SEMA6D: variants seen among roughly 807,000 people sequenced by gnomAD.
SEMA6D encodes semaphorin-6D.
Under a neutral mutation model 106.6 loss-of-function variants are expected in SEMA6D, and 35 were observed. The observed-to-expected ratio is 0.33, with a 90% confidence interval of 0.25 to 0.44. The LOEUF (loss-of-function observed/expected upper bound fraction) is 0.44. Ranked by LOEUF, SEMA6D falls within the 20% of genes least tolerant of loss-of-function variation. The probability of loss-of-function intolerance (pLI) is 1.00; values close to 1 mark genes in which losing one functional copy is unlikely to be tolerated. For missense variants in SEMA6D, 1,185 were observed against 1,345.9 expected (o/e 0.88, Z 1.87); for synonymous variants, 499 against 487.7 (o/e 1.02, Z -0.31).
chr15:47,474,205 A>T (rs955661912), intron 3 of SEMA6D, among the ~76,000 whole-genome samples: 2 of 152,188 alleles, frequency 1.3e-5, no homozygotes, highest in Non-Finnish European at 2.9e-5. Flanking sequence ...TGAGTTGAGA[A>T]GAAGCTGAGG....
intron 1 of SEMA6D, among the ~76,000 whole-genome samples, chr15:47,336,842 G>A (rs542975253): frequency 1.3e-5 from 2 of 152,268 alleles, no homozygotes; most frequent in South Asian, 4.1e-4. Context: ...TTTACTGACA[G>A]CAGTTTCAAA....
At chr15:47,520,464 C>T (rs1036286602) in intron 3 of SEMA6D, among the ~76,000 whole-genome samples, 8 of 152,146 alleles carry the variant, frequency 5.3e-5, no homozygotes, top group African/African-American at 1.4e-4. Flanking sequence ...GATGCTTTAA[C>T]GCCTTTTTAC....
intron 4 of SEMA6D, among the ~76,000 whole-genome samples, chr15:47,648,747 T>C (rs188799642): frequency 6.6e-6 from 1 of 152,334 alleles, no homozygotes; most frequent in East Asian, 1.9e-4. Flanking sequence ...CATTCTTAAA[T>C]GTGTGTATAG....
At chr15:47,406,872 C>T (rs563045351) in intron 1 of SEMA6D, among the ~76,000 whole-genome samples, 1 of 151,730 alleles carries the variant, frequency 6.6e-6, no homozygotes, top group Non-Finnish European at 1.5e-5. Flanking sequence ...AATGTATGTC[C>T]ATGCCAAAAC....
At chr15:47,335,955 C>T (rs1359075546) in intron 1 of SEMA6D, among the ~76,000 whole-genome samples, 1 of 152,130 alleles carries the variant, frequency 6.6e-6, no homozygotes, top group African/African-American at 2.4e-5. Context: ...CATATTCCCT[C>T]CAGTATGGAG....
At chr15:47,712,607 T>C (rs997751422), upstream of SEMA6D, among the ~76,000 whole-genome samples, 7 of 152,142 alleles carry the variant, frequency 4.6e-5, no homozygotes, top group African/African-American at 1.7e-4. Flanking sequence ...TAATATTAGG[T>C]GGGGAGGTTT....
chr15:47,367,373 A>G (rs192840163), intron 1 of SEMA6D, among the ~76,000 whole-genome samples: 1 of 152,294 alleles, frequency 6.6e-6, no homozygotes, highest in East Asian at 1.9e-4. Context: ...CCCTCAGGTC[A>G]TTTAGAGACC....
chr15:47,505,689 A>G (rs2044016342), intron 3 of SEMA6D, among the ~76,000 whole-genome samples: 1 of 152,192 alleles, frequency 6.6e-6, no homozygotes, highest in South Asian at 2.1e-4. Context: ...TACATATACC[A>G]CATGTGTACA....
At chr15:47,684,721 C>A (rs1278475566) in intron 4 of SEMA6D, among the ~76,000 whole-genome samples, 1 of 152,184 alleles carries the variant, frequency 6.6e-6, no homozygotes, top group East Asian at 1.9e-4. Flanking sequence ...ATTGTAAGAA[C>A]TTTTAAAATG....
chr15:47,232,574 C>G lies in SEMA6D; in HGVS notation c.-239+48156C>G, dbSNP rs867361699. 2.7e-5 allele frequency among the ~76,000 whole-genome samples: 4 copies of G among 149,962 alleles called. No homozygotes were observed. The South Asian group carries it at 8.4e-4, about 31-fold the overall frequency. ...GTGTGTGTATTTTATTACAGCCAAG[C>G]TAGTGGGTATAAAATGGTATTTCAT... On this transcript the variant is annotated intron_variant, in intron 1 of 19. Transcript: ENST00000558014.
At chr15:47,477,004 G>A (rs190509806) in intron 3 of SEMA6D, among the ~76,000 whole-genome samples, 12 of 152,300 alleles carry the variant, frequency 7.9e-5, no homozygotes, top group African/African-American at 2.9e-4. Flanking sequence ...CAATGTTGAT[G>A]AATCAGAAAA....
intron 1 of SEMA6D, among the ~76,000 whole-genome samples, chr15:47,194,892 C>T (rs989810999): frequency 2.0e-5 from 3 of 152,058 alleles, no homozygotes; most frequent in African/African-American, 7.2e-5. Flanking sequence ...GAATGATGTT[C>T]TCTTTGTCTT....
chr15:47,701,219 A>T (rs1404783453), intron 4 of SEMA6D, among the ~76,000 whole-genome samples: 1 of 152,356 alleles, frequency 6.6e-6, no homozygotes, highest in East Asian at 1.9e-4. Context: ...GTTGTCCAAA[A>T]TATATAAAGA....
At chr15:47,600,419 G>A (rs1409392918) in intron 3 of SEMA6D, among the ~76,000 whole-genome samples, 1 of 152,092 alleles carries the variant, frequency 6.6e-6, no homozygotes, top group South Asian at 2.1e-4. Context: ...AATGAGATAT[G>A]ATGTTGCATT....
chr15:47,697,022 C>T (rs1440663685), intron 4 of SEMA6D, among the ~76,000 whole-genome samples: 2 of 152,122 alleles, frequency 1.3e-5, no homozygotes, highest in Non-Finnish European at 2.9e-5. Flanking sequence ...GCAATGGGAT[C>T]AGATGGTTGG....
At chr15:47,344,850 G>A (rs889305472) in intron 1 of SEMA6D, among the ~76,000 whole-genome samples, 1 of 152,154 alleles carries the variant, frequency 6.6e-6, no homozygotes, top group African/African-American at 2.4e-5. Flanking sequence ...AGTGAGTTTA[G>A]CAAAGTTATA....
intron 2 of SEMA6D, among the ~76,000 whole-genome samples, chr15:47,414,459 A>T (rs1373017379): frequency 6.6e-6 from 1 of 152,194 alleles, no homozygotes; most frequent in Non-Finnish European, 1.5e-5. Flanking sequence ...AGGAAAAAAA[A>T]GTAAGAGAAA....
chr15:47,615,387 C>G (rs1056091260), intron 4 of SEMA6D, among the ~76,000 whole-genome samples: 1 of 152,108 alleles, frequency 6.6e-6, no homozygotes, highest in African/African-American at 2.4e-5. Context: ...GTCCTTTAAC[C>G]AATGGCACAG....
At chr15:47,481,938 C>T (rs896224408) in intron 3 of SEMA6D, among the ~76,000 whole-genome samples, 6 of 152,034 alleles carry the variant, frequency 3.9e-5, no homozygotes, top group African/African-American at 7.2e-5. Flanking sequence ...AGTTATTTTC[C>T]GAGAGATGAG....
Sources: gnomAD v4.1 joint callset for allele counts (sites outside exome capture counted in the v4.1 genomes callset) on GRCh38, gnomAD v4.1.1 for gene constraint, MANE v1.5 for transcripts, NCBI Gene and HGNC (gene_info 2026-07-23, HGNC 2026-07-21) for gene names.